Variants in NLRP13 observed in about 807,000 individuals in gnomAD.
NLRP13 encodes the protein NACHT, LRR and PYD domains-containing protein 13.
NLRP13 carries 82 observed loss-of-function variants against 94.4 expected under a neutral mutation model. The observed-to-expected ratio is 0.87, with a 90% CI of 0.73 to 1.04. The LOEUF (loss-of-function observed/expected upper bound fraction) is 1.04. NLRP13 is among the 50% of genes least tolerant of loss of function. The pLI is 0.00. For missense variants in NLRP13, 1,426 were observed against 1,230.8 expected (o/e 1.16, Z -2.37); for synonymous variants, 553 against 464.7 (o/e 1.19, Z -2.45).
At chr19:55,892,010 C>A, downstream of NLRP13, 1 of 988,714 alleles carries the variant, frequency 1.0e-6, no homozygotes, top group Non-Finnish European at 1.3e-6. Flanking sequence ...ATCACCACCA[C>A]CACTTGTCTT....
intron 4 of NLRP13, among the ~76,000 whole-genome samples, chr19:55,921,351 C>T (rs551385471): frequency 1.4e-4 from 21 of 152,230 alleles, no homozygotes; most frequent in African/African-American, 2.9e-4. Flanking sequence ...AATATCATAA[C>T]GGATGATATT....
At chr19:55,922,570 C>T (rs930425716) in intron 4 of NLRP13, among the ~76,000 whole-genome samples, 1 of 152,218 alleles carries the variant, frequency 6.6e-6, no homozygotes, top group Non-Finnish European at 1.5e-5. Flanking sequence ...TCGTGATCTG[C>T]CTACCTCAAC....
Position 55,912,173 on chromosome 19 carries a change from A to G in NLRP13, c.1644T>C (p.Phe548=). ...GGAATTCTCTAGGTTCCTCTAGCACAAAGGACATGGCTGCAAAAAACTCCT... is the reference window on the plus strand; with the variant it reads ...GGAATTCTCTAGGTTCCTCTAGCACGAAGGACATGGCTGCAAAAAACTCCT... ...SFQEFFAAMS[F]VLEEPREFPP... The change falls in exon 5 of 11, where the codon TTT becomes TTC. Residue 548 remains phenylalanine (F), a synonymous_variant. Coordinates refer to ENST00000342929, the MANE Select transcript of NLRP13 (RefSeq NM_176810.2). 6.2e-7 allele frequency: 1 copy of G among 1,614,182 alleles called. No individual in the cohort carries two copies. The highest frequency in any genetic ancestry group is 8.5e-7 in the Non-Finnish European group (1 of 1,180,028).
At chr19:55,895,337 C>T (rs1029965431), downstream of NLRP13, among the ~76,000 whole-genome samples, 12 of 152,088 alleles carry the variant, frequency 7.9e-5, no homozygotes, top group Middle Eastern at 3.4e-3. Context: ...ACTGAGATTG[C>T]GCCACTGCAC....
downstream of NLRP13, among the ~76,000 whole-genome samples, chr19:55,892,399 A>ACG (rs397786728): frequency 6.6e-6 from 1 of 151,290 alleles, no homozygotes; most frequent in African/African-American, 2.4e-5. Context: ...ACACACACAC[A>ACG]TATTCATATA....
intron 4 of NLRP13, among the ~76,000 whole-genome samples, chr19:55,915,882 C>T (rs964031173): frequency 2.0e-5 from 3 of 152,152 alleles, no homozygotes; most frequent in Non-Finnish European, 4.4e-5. Context: ...AACAATCAAG[C>T]ATAAAAGCTA....
intron 4 of NLRP13, among the ~76,000 whole-genome samples, chr19:55,918,782 C>A (rs551778291): frequency 6.6e-6 from 1 of 152,062 alleles, no homozygotes; most frequent in African/African-American, 2.4e-5. Flanking sequence ...CAACCAAATT[C>A]TACAAGACAT....
intron 4 of NLRP13, among the ~76,000 whole-genome samples, chr19:55,923,402 A>C (rs1030084311): frequency 6.6e-6 from 1 of 152,226 alleles, no homozygotes; most frequent in Admixed American, 6.5e-5. Context: ...GGCAAAGGCC[A>C]AGTAGTAGGT....
At chr19:55,909,552 A>T (rs1029794081) in intron 6 of NLRP13, among the ~76,000 whole-genome samples, 3 of 151,604 alleles carry the variant, frequency 2.0e-5, no homozygotes, top group African/African-American at 7.3e-5. Context: ...AAAAAAAAAA[A>T]AGTCCTAATT....
At chr19:55,921,411 T>C (rs1326034093) in intron 4 of NLRP13, among the ~76,000 whole-genome samples, 5 of 152,220 alleles carry the variant, frequency 3.3e-5, no homozygotes, top group East Asian at 1.9e-4. Flanking sequence ...TTAGATTATA[T>C]ATATATGTTT....
intron 10 of NLRP13, among the ~76,000 whole-genome samples, chr19:55,896,518 C>CAA (rs776309030): frequency 0.16 from 14,429 of 89,856 alleles, 1,312 homozygotes; most frequent in East Asian, 0.28. Context: ...GATTCTGTCT[C>CAA]AAAAAAAAAA....
At chr19:55,906,792 C>G (rs1001340476) in intron 7 of NLRP13, among the ~76,000 whole-genome samples, 4 of 151,992 alleles carry the variant, frequency 2.6e-5, no homozygotes, top group African/African-American at 9.7e-5. Flanking sequence ...GACTTTCTCC[C>G]TCTTCCCCAT....
chr19:55,906,354 AGACAGATGATAGACAGACAG>A (rs1986349949), intron 7 of NLRP13, among the ~76,000 whole-genome samples: 1 of 150,208 alleles, frequency 6.7e-6, no homozygotes, highest in African/African-American at 2.4e-5. Flanking sequence ...AAAAAAAAAA[AGACAGATGATAGACAGACAG>A]ACAGAAAGAA....
At chr19:55,902,293 C>T (rs34627474) in intron 8 of NLRP13, 88 bp from the exon 9 acceptor site, 188,793 of 984,728 alleles carry the variant, frequency 0.19, 15,369 homozygotes, top group African/African-American at 0.24. Flanking sequence ...CCCCTCCGAG[C>T]CTACACATGC....
chr19:55,912,900 AG>A lies in NLRP13; in HGVS notation c.916del (p.Leu306SerfsTer11). The A allele has an allele frequency of 6.2e-7, 1 of 1,614,164 alleles. No individual in the cohort carries two copies. The highest frequency in any genetic ancestry group is 1.3e-5 in the African/African-American group (1 of 75,044). On this transcript the variant is annotated frameshift_variant, in exon 5 of 11. Transcript: ENST00000342929. LOFTEE classifies it high-confidence loss of function. ...CTCAAAGCCATCAATAATAAACAGG[AG>A]CTTCTCTGGTTGAGACATGAACTCT... is the stretch of plus-strand genomic sequence containing the variant. Reference protein sequence around the residue: ...IEEFMSQPEKLLFIIDGFEEI... With the variant: ...IEEFMSQPEKXLFIIDGFEEI...
Position 55,902,076 on chromosome 19 carries a change from AC to A in NLRP13, c.2747del (p.Cys916LeufsTer14). 1.9e-6 allele frequency: 3 copies of A among 1,614,158 alleles called. No homozygotes were observed. Among genetic ancestry groups the A allele is most frequent in the Non-Finnish European group, 2.5e-6 (3 of 1,180,006 alleles). Reference protein sequence around the residue: ...SLRDEGVKFLCEALGRPDGNL... With the variant: ...SLRDEGVKFLXEALGRPDGNL... ...TACCATCTGGGCGACCCAAGGCCTC[AC>A]ACAGGAACTTGACTCCCTCGTCTCT... On this transcript the variant is annotated frameshift_variant, in exon 9 of 11. Coordinates refer to ENST00000342929, the MANE Select transcript of NLRP13 (RefSeq NM_176810.2). LOFTEE classifies it high-confidence loss of function.
intron 1 of NLRP13, among the ~76,000 whole-genome samples, chr19:55,931,718 A>AGACAGAAAGAAAGAAAGAAAGAAAGACAG: frequency 1.0e-5 from 1 of 96,032 alleles, no homozygotes; most frequent in Admixed American, 1.3e-4. Flanking sequence ...TCAAAAAAAA[A>AGACAGAAAGAAAGAAAGAAAGAAAGACAG]AAAAAAAGAA....
downstream of NLRP13, among the ~76,000 whole-genome samples, chr19:55,892,775 G>A (rs1217247405): frequency 2.0e-5 from 3 of 152,184 alleles, no homozygotes; most frequent in Non-Finnish European, 4.4e-5. Context: ...CAACTTGTGA[G>A]AACATGTGGT....
intron 1 of NLRP13, among the ~76,000 whole-genome samples, chr19:55,926,003 T>G (rs1050407734): frequency 2.0e-5 from 3 of 152,110 alleles, no homozygotes; most frequent in Non-Finnish European, 1.5e-5. Flanking sequence ...CTGTCCTGAA[T>G]TCTAACTCTC....
Sources: gnomAD v4.1 joint callset for allele counts (sites outside exome capture counted in the v4.1 genomes callset) on GRCh38, gnomAD v4.1.1 for gene constraint, MANE v1.5 for transcripts, NCBI Gene and HGNC (gene_info 2026-07-23, HGNC 2026-07-21) for gene names.